TRIAP1: variants seen among roughly 807,000 people sequenced by gnomAD.
TRIAP1 encodes the protein TP53-regulated inhibitor of apoptosis 1.
A neutral mutation model predicts 8.4 loss-of-function variants in TRIAP1; 8 were observed. That is an observed-to-expected ratio of 0.96 (90% confidence interval 0.56 to 1.73). TRIAP1 has a LOEUF of 1.73. Ranked by LOEUF, TRIAP1 falls within the 40% of genes most tolerant of loss-of-function variation. The pLI is 0.00. For missense variants in TRIAP1, 90 were observed against 96.9 expected, an observed-to-expected ratio of 0.93 and a Z score of 0.30; for synonymous variants, 35 against 34.0, an observed-to-expected ratio of 1.03 and a Z score of -0.10.
Position 120,444,803 on chromosome 12 carries a change from A to G in TRIAP1, c.*69T>C. ...TCAAATCTGATGGCTATGTTCACAG[A>G]GTTAGTTGACAAAAATCCAGAGTCC... On this transcript the variant is annotated 3_prime_UTR_variant, in exon 2 of 2. Coordinates refer to ENST00000546954, the MANE Select transcript of TRIAP1 (RefSeq NM_016399.3). 2 of 1,171,898 alleles carry G rather than the reference A, an allele frequency of 1.7e-6. No individual in the cohort carries two copies. The highest frequency in any genetic ancestry group is 2.6e-6 in the Non-Finnish European group (2 of 782,754). The allele number at this position is 1,171,898 out of a possible 1,614,324, so 72.6% of individuals were successfully genotyped here. A position where few individuals can be genotyped will look rare whatever the true frequency, so the allele number is the denominator to read the frequency against.
Position 120,444,952 on chromosome 12 carries a change from C to CAGGAACTGTGTGCTAAAATTGAACAATTT in TRIAP1, c.150_151insAAATTGTTCAATTTTAGCACACAGTTCCT (p.Ala51LysfsTer12). On this transcript the variant is annotated frameshift_variant, in exon 2 of 2. Transcript: ENST00000546954. LOFTEE classifies it high-confidence loss of function. ...ATAGGAATCTCTTTCTCCTTTATTGCTTTCTGGTAGGAGGAGAAAACACAT... is the reference window on the plus strand; with the variant it reads ...ATAGGAATCTCTTTCTCCTTTATTGCAGGAACTGTGTGCTAAAATTGAACAATTTTTTCTGGTAGGAGGAGAAAACACAT... 1 of 1,611,520 alleles carries CAGGAACTGTGTGCTAAAATTGAACAATTT rather than the reference C, an allele frequency of 6.2e-7. No homozygotes were observed. The highest frequency in any genetic ancestry group is 8.5e-7 in the Non-Finnish European group (1 of 1,178,532).
rs1206106923 is a variant in TRIAP1, at chr12:120,444,137, C to G, written c.*735G>C. ...GATATGCAGGTTGACAATTCACTGA[C>G]TTGGGTTGAGAGCTGGCAATAGCAG... On this transcript the variant is annotated 3_prime_UTR_variant, in exon 2 of 2. Transcript: ENST00000546954. 3 of 152,204 alleles carry G rather than the reference C, an allele frequency of 2.0e-5. No homozygotes were observed. The highest frequency in any genetic ancestry group is 4.8e-5 in the African/African-American group (2 of 41,454). The allele number at this position is 152,204 out of a possible 1,614,324, so 9.4% of individuals were successfully genotyped here.
At chr12:120,445,956 C>G in intron 1 of TRIAP1, 1 of 457,240 alleles carries the variant, frequency 2.2e-6, no homozygotes, top group Non-Finnish European at 3.9e-6. Flanking sequence ...ATATGAGTAA[C>G]TATGCCCACC....
At position 120,444,972 on chromosome 12, in the gene TRIAP1, A is replaced by G. The variant is rs1473293645; in HGVS notation, c.148-17T>C. Reference sequence around the variant, plus strand: ...TATTGCTTTCTGGTAGGAGGAGAAAACACATTATAAAGACCTACATGAAGC... The same window carrying G: ...TATTGCTTTCTGGTAGGAGGAGAAAGCACATTATAAAGACCTACATGAAGC... On this transcript the variant is annotated splice_polypyrimidine_tract_variant and intron_variant, in intron 1 of 1. Coordinates refer to ENST00000546954, the MANE Select transcript of TRIAP1 (RefSeq NM_016399.3). 6.3e-7 allele frequency: 1 copy of G among 1,583,572 alleles called. No individual in the cohort carries two copies. The highest frequency in any genetic ancestry group is 8.7e-7 in the Non-Finnish European group (1 of 1,155,804).
rs1877803668 is a variant in TRIAP1, at chr12:120,444,659, GCA to G, written c.*211_*212del. 1 of 510,730 alleles carries G rather than the reference GCA, an allele frequency of 2.0e-6. No individual in the cohort carries two copies. Among genetic ancestry groups the G allele is most frequent in the Non-Finnish European group, 3.5e-6 (1 of 288,404 alleles). 31.6% of individuals were successfully genotyped at this position (510,730 alleles called of 1,614,324 possible). On this transcript the variant is annotated 3_prime_UTR_variant, in exon 2 of 2. Transcript: ENST00000546954. ...ATCTCAAAAAAATTGTTCAATTTTA[GCA>G]CACAGTTCCTGCAAGATACCACAGC...
chr12:120,445,802 C>T (rs899684148), intron 1 of TRIAP1, among the ~76,000 whole-genome samples: 1 of 152,184 alleles, frequency 6.6e-6, no homozygotes, highest in Non-Finnish European at 1.5e-5. Flanking sequence ...ACCCTCCAGT[C>T]TGAATTCTGA....
At chr12:120,445,063 C>CT in intron 1 of TRIAP1, 108 bp from the exon 2 acceptor site, 1 of 821,950 alleles carries the variant, frequency 1.2e-6, no homozygotes, top group Non-Finnish European at 2.0e-6. Flanking sequence ...ATTATAAAGA[C>CT]TTATAACCAT....
At chr12:120,445,116 T>TGTG (rs1877817330) in intron 1 of TRIAP1, among the ~76,000 whole-genome samples, 161 bp from the exon 2 acceptor site, 1 of 152,034 alleles carries the variant, frequency 6.6e-6, no homozygotes, top group South Asian at 2.1e-4. Context: ...ACCGGTCAGG[T>TGTG]GTGGTGGCTC....
intron 1 of TRIAP1, 27 bp downstream of exon 1, chr12:120,446,199 C>T: frequency 6.2e-7 from 1 of 1,612,006 alleles, no homozygotes; most frequent in African/African-American, 1.3e-5. Context: ...GAATGCAGGG[C>T]CTGGGAACAG....
intron 1 of TRIAP1, 80 bp from the exon 2 acceptor site, chr12:120,445,035 A>G (rs1306162608): frequency 1.0e-6 from 1 of 969,510 alleles, no homozygotes; most frequent in Admixed American, 2.6e-5. Context: ...ATGACAGTAC[A>G]AAAGTAAAAT....
chr12:120,445,668 C>A lies in TRIAP1; in HGVS notation c.147+558G>T, dbSNP rs144922467. ...TGGAAGTGCTTTGCCCGGTGCTGTT[C>A]TTAACAATTCAAAGCAGTTCCACAT... On this transcript the variant is annotated intron_variant, in intron 1 of 1. Coordinates refer to ENST00000546954, the MANE Select transcript of TRIAP1 (RefSeq NM_016399.3). 2.3e-3 allele frequency among the ~76,000 whole-genome samples: 345 copies of A among 152,246 alleles called. 1 individual carries two copies. The highest frequency in any genetic ancestry group is 7.6e-3 in the African/African-American group (317 of 41,536).
At chr12:120,446,068 C>T (rs1877843924) in intron 1 of TRIAP1, 158 bp downstream of exon 1, 3 of 1,012,386 alleles carry the variant, frequency 3.0e-6, no homozygotes, top group Admixed American at 2.9e-5. Flanking sequence ...CCCAAGTGGC[C>T]TCGGTGGTGA....
rs767231229 is a variant in TRIAP1 at position 120,446,368 on chromosome 12, T to C, written c.5A>G (p.Asn2Ser). The C allele has an allele frequency of 1.2e-6, 2 of 1,613,416 alleles. No individual in the cohort carries two copies. Among genetic ancestry groups the C allele is most frequent in the Non-Finnish European group, 8.5e-7 (1 of 1,179,390 alleles). The change falls in exon 1 of 2, where the codon AAC becomes AGC. Residue 2 changes from asparagine (N) to serine (S), a missense_variant. Coordinates refer to ENST00000546954, the MANE Select transcript of TRIAP1 (RefSeq NM_016399.3). Reference sequence around the variant, plus strand: ...GTCCGTGCATGCCTCCCCCACACTGTTCATGGCGACAGTGGTGGCGGCGGC... The same window carrying C: ...GTCCGTGCATGCCTCCCCCACACTGCTCATGGCGACAGTGGTGGCGGCGGC... Reference protein sequence around the residue: MNSVGEACTDMK... With the variant: MSSVGEACTDMK...
intron 1 of TRIAP1, among the ~76,000 whole-genome samples, chr12:120,445,198 C>A (rs1338789018): frequency 6.6e-6 from 1 of 152,194 alleles, no homozygotes; most frequent in East Asian, 1.9e-4. Context: ...AGAGACCAAC[C>A]TGGCCAACAT....
In TRIAP1 at chr12:120,446,346, C is replaced by T. The variant is rs1220311688; in HGVS notation, c.27G>A (p.Thr9=). MNSVGEAC[T]DMKREYDQCF... is the part of the protein sequence containing the mutation. ...ACTGGTCGTACTCGCGCTTCATGTC[C>T]GTGCATGCCTCCCCCACACTGTTCA... is the stretch of plus-strand genomic sequence containing the variant. Residue 9 remains threonine (T), a synonymous_variant, in exon 1 of 2, where the codon ACG becomes ACA. Transcript: ENST00000546954. The T allele has an allele frequency of 6.2e-6, 10 of 1,614,102 alleles. No homozygotes were observed. In the Admixed American group the frequency reaches 1.7e-4, roughly 27 times the overall value.
At chr12:120,445,030 A>T in intron 1 of TRIAP1, 75 bp from the exon 2 acceptor site, 1 of 1,085,934 alleles carries the variant, frequency 9.2e-7, no homozygotes, top group East Asian at 2.5e-5. Context: ...AAAATATGAC[A>T]GTACAAAAGT....
upstream of TRIAP1, chr12:120,446,384 TGGC>T (rs755797453): frequency 6.2e-6 from 10 of 1,612,368 alleles, no homozygotes; most frequent in African/African-American, 5.3e-5. Context: ...GCGACAGTGG[TGGC>T]GGCGGCGACG....
At chr12:120,446,115 C>A in intron 1 of TRIAP1, 111 bp downstream of exon 1, 1 of 1,467,186 alleles carries the variant, frequency 6.8e-7, no homozygotes, top group South Asian at 1.4e-5. Flanking sequence ...GGCCTCACTG[C>A]GACTTTTCTC....
rs1037536008 is a variant in TRIAP1, at chr12:120,444,647, T to G, written c.*225A>C. 4 of 488,292 alleles carry G rather than the reference T, an allele frequency of 8.2e-6. No individual in the cohort carries two copies. Among genetic ancestry groups the G allele is most frequent in the East Asian group, 4.0e-5 (1 of 25,176 alleles). The allele number at this position is 488,292 out of a possible 1,614,324, so 30.2% of individuals were successfully genotyped here. ...ATTGCAACCATAATCTCAAAAAAAT[T>G]GTTCAATTTTAGCACACAGTTCCTG... On this transcript the variant is annotated 3_prime_UTR_variant, in exon 2 of 2. Coordinates refer to ENST00000546954, the MANE Select transcript of TRIAP1 (RefSeq NM_016399.3).
Sources: gnomAD v4.1 joint callset for allele counts (sites outside exome capture counted in the v4.1 genomes callset) on GRCh38, gnomAD v4.1.1 for gene constraint, MANE v1.5 for transcripts, NCBI Gene and HGNC (gene_info 2026-07-23, HGNC 2026-07-21) for gene names.